ARHGAP28: variants seen among roughly 807,000 people sequenced by gnomAD.
The protein encoded by ARHGAP28 is Rho GTPase activating protein 28.
In ARHGAP28, 56 loss-of-function variants were observed where a neutral mutation model predicts 90.7. That is an observed-to-expected ratio of 0.62 (90% CI 0.50 to 0.77). The LOEUF (loss-of-function observed/expected upper bound fraction) is 0.77. Ranked by LOEUF, ARHGAP28 falls within the 30% of genes least tolerant of loss-of-function variation. The pLI, the probability that ARHGAP28 is intolerant of heterozygous loss-of-function variation, is 0.00. For missense variants in ARHGAP28, 869 were observed against 900.9 expected, an observed-to-expected ratio of 0.96 and a Z score of 0.45; for synonymous variants, 308 against 323.3, an observed-to-expected ratio of 0.95 and a Z score of 0.51.
At chr18:6,910,574 C>G (rs1415565544) in intron 17 of ARHGAP28, among the ~76,000 whole-genome samples, 1 of 152,082 alleles carries the variant, frequency 6.6e-6, no homozygotes, top group Non-Finnish European at 1.5e-5. Flanking sequence ...CAGGTCTTTG[C>G]GGATAAATCA....
rs1263789587 is a variant in ARHGAP28, at chr18:6,890,089, A to T, written c.1734+4A>T. The T allele has an allele frequency of 6.2e-7, 1 of 1,614,108 alleles. No homozygotes were observed. The highest frequency in any genetic ancestry group is 8.5e-7 in the Non-Finnish European group (1 of 1,179,984). ...GTACCAGAAGATTTTGTGGAAGGTG[A>T]GTGACATAGTGATGACAGGTCCCCC... On this transcript the variant is annotated splice_donor_region_variant and intron_variant, in intron 13 of 17. Transcript: ENST00000383472.
At chr18:6,777,674 A>G (rs919387788) in intron 1 of ARHGAP28, among the ~76,000 whole-genome samples, 3 of 152,130 alleles carry the variant, frequency 2.0e-5, no homozygotes, top group East Asian at 3.9e-4. Flanking sequence ...GCAGTGATCT[A>G]TGATTGCACC....
chr18:6,879,853 G>A (rs770440231), intron 10 of ARHGAP28, among the ~76,000 whole-genome samples: 3 of 152,144 alleles, frequency 2.0e-5, no homozygotes, highest in African/African-American at 4.8e-5. Flanking sequence ...ACATTGAGAA[G>A]CTTGAAGCAC....
chr18:6,910,270 C>T (rs1024560961), intron 17 of ARHGAP28, among the ~76,000 whole-genome samples: 1 of 152,174 alleles, frequency 6.6e-6, no homozygotes, highest in African/African-American at 2.4e-5. Flanking sequence ...AGACCCTGTG[C>T]CCCTTATTTC....
rs199719211 is a variant in ARHGAP28, at chr18:6,835,233, G to A, written c.326-1964G>A. Among the ~76,000 whole-genome samples, 22 of 152,128 alleles carry A rather than the reference G, an allele frequency of 1.4e-4. No homozygotes were observed. In the East Asian group the frequency reaches 3.5e-3, roughly 24 times the overall value. ...CTCTTTCATTACTCCTTACATAGGTGGAGGGGAAAAACAACTTTTTAAAAT... is the reference window on the plus strand; with the variant it reads ...CTCTTTCATTACTCCTTACATAGGTAGAGGGGAAAAACAACTTTTTAAAAT... On this transcript the variant is annotated intron_variant, in intron 2 of 17. Coordinates refer to ENST00000383472, the MANE Select transcript of ARHGAP28 (RefSeq NM_001366230.1).
chr18:6,908,135 A>G (rs1371719191), intron 16 of ARHGAP28, among the ~76,000 whole-genome samples: 2 of 151,214 alleles, frequency 1.3e-5, no homozygotes, highest in Non-Finnish European at 2.9e-5. Flanking sequence ...GTTTTATTTT[A>G]TTTTATTTTA....
At position 6,873,668 on chromosome 18, in the gene ARHGAP28, C is replaced by T. The variant is rs376800449; in HGVS notation, c.1121-16C>T. 2.1e-5 allele frequency: 33 copies of T among 1,607,642 alleles called. No homozygotes were observed. Among genetic ancestry groups the T allele is most frequent in the Non-Finnish European group, 2.7e-5 (32 of 1,176,106 alleles). Reference sequence around the variant, plus strand: ...AATTCTTTTTTTTTTTCCCCCTTTACTGTCTCACAATGAAGACAATGGGAT... The same window carrying T: ...AATTCTTTTTTTTTTTCCCCCTTTATTGTCTCACAATGAAGACAATGGGAT... On this transcript the variant is annotated splice_polypyrimidine_tract_variant and intron_variant, in intron 8 of 17. Transcript: ENST00000383472.
At chr18:6,807,030 G>T (rs77466319) in intron 1 of ARHGAP28, among the ~76,000 whole-genome samples, 81 of 151,914 alleles carry the variant, frequency 5.3e-4, no homozygotes, top group Non-Finnish European at 1.0e-3. Context: ...TTGATTTTAC[G>T]ATTTTTTCTT....
rs1449749620 is a variant in ARHGAP28, at chr18:6,729,757, C to A, written c.-65C>A. 2 of 1,292,116 alleles carry A rather than the reference C, an allele frequency of 1.5e-6. No homozygotes were observed. The highest frequency in any genetic ancestry group is 4.2e-5 in the Admixed American group (1 of 23,916). 80.0% of individuals were successfully genotyped at this position (1,292,116 alleles called of 1,614,324 possible). ...CGCCCAGCTGCTGACAGCCTCCCGGCGCGCCGGTCCATGCTGGTCCCGGTC... is the reference window on the plus strand; with the variant it reads ...CGCCCAGCTGCTGACAGCCTCCCGGAGCGCCGGTCCATGCTGGTCCCGGTC... On this transcript the variant is annotated 5_prime_UTR_variant, in exon 1 of 18. Transcript: ENST00000383472.
intron 10 of ARHGAP28, among the ~76,000 whole-genome samples, chr18:6,878,451 T>C (rs1222391204): frequency 6.6e-6 from 1 of 151,776 alleles, no homozygotes; most frequent in Non-Finnish European, 1.5e-5. Context: ...CATATGTAAC[T>C]AACCTGCACA....
chr18:6,778,827 A>G (rs2056303900), intron 1 of ARHGAP28: 1 of 152,212 alleles, frequency 6.6e-6, no homozygotes, highest in Admixed American at 6.5e-5. Context: ...TGAATACCTC[A>G]GTGGTACTGT....
At chr18:6,894,726 T>C (rs1485225462) in intron 14 of ARHGAP28, 109 bp from the exon 15 acceptor site, 1 of 851,714 alleles carries the variant, frequency 1.2e-6, no homozygotes, top group Non-Finnish European at 1.9e-6. Flanking sequence ...TTTATAATTT[T>C]ATAAATATTG....
chr18:6,834,444 CA>C (rs1378707934), intron 2 of ARHGAP28: 5 of 152,018 alleles, frequency 3.3e-5, no homozygotes, highest in African/African-American at 9.7e-5. Flanking sequence ...GACCTTGTGA[CA>C]AAATAGAATG....
chr18:6,875,022 T>A (rs1026308201), intron 9 of ARHGAP28: 3 of 152,200 alleles, frequency 2.0e-5, no homozygotes, highest in African/African-American at 7.2e-5. Context: ...AGATTTTCTT[T>A]CCTTCATTGA....
intron 5 of ARHGAP28, among the ~76,000 whole-genome samples, chr18:6,862,886 C>T (rs566172863): frequency 6.6e-6 from 1 of 152,254 alleles, no homozygotes; most frequent in South Asian, 2.1e-4. Flanking sequence ...TTCACACATA[C>T]TAGTTTGCAT....
At chr18:6,820,444 C>T (rs1334103576) in intron 1 of ARHGAP28, among the ~76,000 whole-genome samples, 1 of 152,024 alleles carries the variant, frequency 6.6e-6, no homozygotes, top group Non-Finnish European at 1.5e-5. Flanking sequence ...GCCTGACAGT[C>T]ATGTTATTGG....
At chr18:6,857,772 A>G (rs1254804096) in intron 4 of ARHGAP28, among the ~76,000 whole-genome samples, 1 of 152,224 alleles carries the variant, frequency 6.6e-6, no homozygotes, top group Non-Finnish European at 1.5e-5. Context: ...AGAAGGAATT[A>G]CAGCTCACCG....
At chr18:6,731,184 C>G (rs2055878532) in intron 1 of ARHGAP28, among the ~76,000 whole-genome samples, 1 of 151,964 alleles carries the variant, frequency 6.6e-6, no homozygotes, top group Non-Finnish European at 1.5e-5. Context: ...AAAGGCTGCT[C>G]GAAGATATAA....
chr18:6,860,447 C>T (rs2056988537), intron 5 of ARHGAP28, among the ~76,000 whole-genome samples: 1 of 152,284 alleles, frequency 6.6e-6, no homozygotes, highest in Middle Eastern at 3.4e-3. Flanking sequence ...ACCCCCACTG[C>T]GAATCCCCAT....
Sources: allele counts gnomAD v4.1 joint callset (sites outside exome capture counted in the v4.1 genomes callset), GRCh38; gene constraint gnomAD v4.1.1; transcripts MANE v1.5; gene names NCBI Gene and HGNC (gene_info 2026-07-23, HGNC 2026-07-21).